The following NRIP1 variants were observed in gnomAD, a reference collection of about 807,000 sequenced individuals.
The protein encoded by NRIP1 is nuclear receptor interacting protein 1.
NRIP1 carries 28 observed loss-of-function variants against 75.0 expected under a neutral mutation model. That is an observed-to-expected ratio of 0.37 (90% CI 0.28 to 0.51). The LOEUF (loss-of-function observed/expected upper bound fraction) is 0.51, where lower values mean the gene tolerates loss of function less well. Ranked by LOEUF, NRIP1 falls within the 20% of genes least tolerant of loss-of-function variation. The pLI, the probability that NRIP1 is intolerant of heterozygous loss-of-function variation, is 0.92. For missense variants in NRIP1, 1,435 were observed against 1,343.7 expected (o/e 1.07, Z -1.06); for synonymous variants, 526 against 487.6 (o/e 1.08, Z -1.04).
intron 1 of NRIP1, among the ~76,000 whole-genome samples, chr21:15,059,227 T>A (rs564962532): frequency 7.9e-5 from 12 of 152,338 alleles, no homozygotes; most frequent in African/African-American, 2.9e-4. Flanking sequence ...AACTCCGAGC[T>A]TAGTCACACA....
intron 3 of NRIP1, among the ~76,000 whole-genome samples, chr21:14,975,785 C>T (rs1295281459): frequency 6.6e-6 from 1 of 151,722 alleles, no homozygotes; most frequent in Non-Finnish European, 1.5e-5. Flanking sequence ...ATTATTTTAG[C>T]CTTTTTTTTA....
chr21:15,043,790 T>C (rs1393107530), intron 1 of NRIP1, among the ~76,000 whole-genome samples: 1 of 152,172 alleles, frequency 6.6e-6, no homozygotes, highest in Non-Finnish European at 1.5e-5. Context: ...TACAGAATTA[T>C]TTGCCAAAAT....
intron 2 of NRIP1, among the ~76,000 whole-genome samples, chr21:15,036,966 G>A (rs889294423): frequency 4.6e-5 from 7 of 152,076 alleles, no homozygotes; most frequent in Admixed American, 3.3e-4. Flanking sequence ...CACCAAAAGC[G>A]TTTGTACTTT....
chr21:14,967,661 A>C lies in NRIP1; in HGVS notation c.532T>G (p.Tyr178Asp). The change falls in exon 4 of 4, where the codon TAT (tyrosine) becomes GAT (aspartate). Residue 178 changes from tyrosine to aspartate, a missense_variant. By Grantham distance (160) the Tyr-to-Asp change is radical. Transcript: ENST00000318948. ...SLKVEKDLRC[Y>D]GVASSHLKTL... The stretch of plus-strand genomic sequence containing the variant: ...TTTAAGTGACTTGATGCAACACCAT[A>C]GCACCTTAAATCCTTCTCCACTTTT... 6.2e-7 allele frequency: 1 copy of C among 1,614,098 alleles called. No homozygotes were observed. The highest frequency in any genetic ancestry group is 8.5e-7 in the Non-Finnish European group (1 of 1,180,012).
intron 1 of NRIP1, among the ~76,000 whole-genome samples, chr21:15,056,704 A>T (rs1422626705): frequency 6.6e-6 from 1 of 152,188 alleles, no homozygotes; most frequent in African/African-American, 2.4e-5. Flanking sequence ...CTTTTCCAAC[A>T]TGATTTGGCA....
intron 2 of NRIP1, among the ~76,000 whole-genome samples, chr21:15,041,653 T>C (rs907372839): frequency 2.0e-5 from 3 of 152,162 alleles, no homozygotes; most frequent in Non-Finnish European, 2.9e-5. Flanking sequence ...AACTATCAAC[T>C]CTATTGAAAC....
rs575970783 is a variant in NRIP1 at position 15,007,898 on chromosome 21, C to G, written c.-335+6446G>C. Reference sequence around the variant, plus strand: ...ATAATGATATCAAGTCCTCAAATTCCAGCTTGCATGACATCATCACACAAT... The same window carrying G: ...ATAATGATATCAAGTCCTCAAATTCGAGCTTGCATGACATCATCACACAAT... On this transcript the variant is annotated intron_variant, in intron 3 of 3. Transcript: ENST00000318948. Among the ~76,000 whole-genome samples the G allele has an allele frequency of 1.2e-4, 18 of 152,288 alleles. No homozygotes were observed. The East Asian group carries it at 3.5e-3, about 29-fold the overall frequency.
intron 1 of NRIP1, among the ~76,000 whole-genome samples, chr21:15,060,122 C>A (rs1213981057): frequency 6.6e-6 from 1 of 151,876 alleles, no homozygotes; most frequent in Non-Finnish European, 1.5e-5. Context: ...AGAGTATGTA[C>A]CATAACAGTG....
At chr21:15,030,082 G>T (rs1014997986) in intron 2 of NRIP1, among the ~76,000 whole-genome samples, 1 of 152,172 alleles carries the variant, frequency 6.6e-6, no homozygotes, top group African/African-American at 2.4e-5. Context: ...TTAGGCATGG[G>T]TATATGATTT....
At chr21:14,993,240 A>C (rs2087621953) in intron 3 of NRIP1, among the ~76,000 whole-genome samples, 1 of 152,088 alleles carries the variant, frequency 6.6e-6, no homozygotes, top group Admixed American at 6.6e-5. Flanking sequence ...ATGACCAAAA[A>C]AAAAAAAAAA....
chr21:15,048,134 T>C (rs1385118482), intron 1 of NRIP1, among the ~76,000 whole-genome samples: 1 of 152,000 alleles, frequency 6.6e-6, no homozygotes, highest in Non-Finnish European at 1.5e-5. Context: ...ACAATCACAA[T>C]AGTAACATCA....
chr21:15,060,311 C>A (rs2089397157), intron 1 of NRIP1, among the ~76,000 whole-genome samples: 1 of 152,088 alleles, frequency 6.6e-6, no homozygotes, highest in African/African-American at 2.4e-5. Context: ...CAAGAAAAAA[C>A]AACAGATGGG....
chr21:14,985,018 A>G (rs2087355545), intron 3 of NRIP1, among the ~76,000 whole-genome samples: 1 of 152,222 alleles, frequency 6.6e-6, no homozygotes, highest in Non-Finnish European at 1.5e-5. Context: ...TGCTTGCTTT[A>G]CTGAGGTATT....
chr21:14,974,268 G>A (rs2086988254), intron 3 of NRIP1: 1 of 152,052 alleles, frequency 6.6e-6, no homozygotes, highest in Non-Finnish European at 1.5e-5. Flanking sequence ...TCATCAACAG[G>A]TTCATGGATG....
At chr21:15,062,132 A>G (rs2089435921) in intron 1 of NRIP1, among the ~76,000 whole-genome samples, 2 of 152,232 alleles carry the variant, frequency 1.3e-5, no homozygotes, top group South Asian at 4.1e-4. Context: ...TACACCACTT[A>G]AAGGAGGAAC....
chr21:15,029,510 T>C (rs920669057), intron 2 of NRIP1, among the ~76,000 whole-genome samples: 1 of 152,232 alleles, frequency 6.6e-6, no homozygotes, highest in Non-Finnish European at 1.5e-5. Flanking sequence ...TAGCACTTAA[T>C]AAGATACCAT....
At chr21:15,041,697 T>C (rs1226905061) in intron 2 of NRIP1, among the ~76,000 whole-genome samples, 1 of 152,170 alleles carries the variant, frequency 6.6e-6, no homozygotes, top group Admixed American at 6.5e-5. Context: ...TAACCTTTCA[T>C]GAATTGATAA....
intron 2 of NRIP1, among the ~76,000 whole-genome samples, chr21:15,018,906 T>C (rs2088300473): frequency 6.6e-6 from 1 of 151,994 alleles, no homozygotes; most frequent in Non-Finnish European, 1.5e-5. Context: ...TTTGTCCCCA[T>C]TTTACGGAGA....
intron 3 of NRIP1, among the ~76,000 whole-genome samples, chr21:14,986,499 C>T (rs772198696): frequency 3.3e-5 from 5 of 152,180 alleles, no homozygotes; most frequent in Admixed American, 6.5e-5. Flanking sequence ...GATCCACTCT[C>T]GCCTTATGGC....
Sources: gnomAD v4.1 joint callset for allele counts (sites outside exome capture counted in the v4.1 genomes callset) on GRCh38, gnomAD v4.1.1 for gene constraint, MANE v1.5 for transcripts, NCBI Gene and HGNC (gene_info 2026-07-23, HGNC 2026-07-21) for gene names.